The following ZYG11B variants were observed in gnomAD, a reference collection of about 807,000 sequenced individuals.
The protein encoded by ZYG11B is zyg-11 family member B, cell cycle regulator, also known as protein zyg-11 homolog B.
ZYG11B carries 36 observed loss-of-function variants against 82.4 expected under a neutral mutation model. The observed-to-expected ratio is 0.44, with a 90% CI of 0.33 to 0.58. ZYG11B has a LOEUF of 0.58. Ranked by LOEUF, ZYG11B falls within the 20% of genes least tolerant of loss-of-function variation. ZYG11B has a pLI of 0.02. For synonymous variants in ZYG11B, 303 were observed against 312.8 expected (o/e 0.97, Z 0.33); for missense variants, 552 against 895.6 (o/e 0.62, Z 4.90).
chr1:52,827,283 G>T lies in ZYG11B; in HGVS notation c.*5654G>T, dbSNP rs951067676. The T allele has an allele frequency of 6.6e-6, 1 of 152,158 alleles. No individual in the cohort carries two copies. The highest frequency in any genetic ancestry group is 2.4e-5 in the African/African-American group (1 of 41,444). The allele number at this position is 152,158 out of a possible 1,614,324, so 9.4% of individuals were successfully genotyped here. On this transcript the variant is annotated 3_prime_UTR_variant, in exon 14 of 14. Coordinates refer to ENST00000294353, the MANE Select transcript of ZYG11B (RefSeq NM_024646.3). Reference sequence around the variant, plus strand: ...CATCACTTAAGTATTAATGTTGTGTGTACAGATTTTTGTTTTGGGATTTTT... The same window carrying T: ...CATCACTTAAGTATTAATGTTGTGTTTACAGATTTTTGTTTTGGGATTTTT...
Position 52,756,333 on chromosome 1 carries a change from C to T in ZYG11B, c.31-125C>T, listed in dbSNP as rs12088050. On this transcript the variant is annotated intron_variant, in intron 1 of 13. Transcript: ENST00000294353. The stretch of plus-strand genomic sequence containing the variant: ...TGTATTCCACTGCCTTACACAGTGT[C>T]TAGCATATGATAGACACTAAAGAAA... 5.4e-3 allele frequency: 4,581 copies of T among 851,012 alleles called. 121 individuals carry two copies. In the African/African-American group the frequency reaches 0.065, roughly 12 times the overall value. The allele number at this position is 851,012 out of a possible 1,614,324, so 52.7% of individuals were successfully genotyped here.
intron 1 of ZYG11B, among the ~76,000 whole-genome samples, chr1:52,742,021 G>A (rs1200654797): frequency 1.3e-5 from 2 of 152,096 alleles, no homozygotes; most frequent in African/African-American, 4.8e-5. Flanking sequence ...TGTAATTTTT[G>A]TAGTCACCTG....
intron 1 of ZYG11B, among the ~76,000 whole-genome samples, chr1:52,733,932 A>G (rs1306336505): frequency 6.6e-6 from 1 of 152,222 alleles, no homozygotes; most frequent in Non-Finnish European, 1.5e-5. Flanking sequence ...ATTTTTATAA[A>G]GGAGAAAATT....
chr1:52,732,806 T>C (rs1462398123), intron 1 of ZYG11B, among the ~76,000 whole-genome samples: 1 of 151,530 alleles, frequency 6.6e-6, no homozygotes, highest in Non-Finnish European at 1.5e-5. Context: ...AAACCCTGTC[T>C]CTACTAAAAA....
rs1193256295 is a variant in ZYG11B at position 52,777,228 on chromosome 1, G to A, written c.952-2625G>A. On this transcript the variant is annotated intron_variant, in intron 3 of 13. Coordinates refer to ENST00000294353, the MANE Select transcript of ZYG11B (RefSeq NM_024646.3). ...GTATCTCAAAAAAAAGGAAAAAAAA[G>A]AGAAAAGACGTAAAGTAATGGAAGT... is the stretch of plus-strand genomic sequence containing the variant. Among the ~76,000 whole-genome samples, 5 of 152,090 alleles carry A rather than the reference G, an allele frequency of 3.3e-5. No homozygotes were observed. The East Asian group carries it at 9.7e-4, about 29-fold the overall frequency.
chr1:52,782,555 A>G (rs890416616), intron 4 of ZYG11B, among the ~76,000 whole-genome samples: 4 of 151,752 alleles, frequency 2.6e-5, no homozygotes, highest in African/African-American at 9.7e-5. Flanking sequence ...CACCTGGCTA[A>G]TTTTTCAAAT....
chr1:52,812,009 C>T (rs562752258), intron 10 of ZYG11B, among the ~76,000 whole-genome samples: 11 of 151,158 alleles, frequency 7.3e-5, no homozygotes, highest in South Asian at 6.5e-4. Flanking sequence ...CCAGCCTGGG[C>T]GAGAGCGAGA....
intron 2 of ZYG11B, among the ~76,000 whole-genome samples, chr1:52,762,977 G>C (rs1314627133): frequency 2.6e-5 from 2 of 76,678 alleles, no homozygotes; most frequent in Non-Finnish European, 4.2e-5. Flanking sequence ...GTGAGAGATT[G>C]GGGGGGGGGG....
At chr1:52,767,229 GTTA>G (rs1644702781) in intron 2 of ZYG11B, among the ~76,000 whole-genome samples, 1 of 149,282 alleles carries the variant, frequency 6.7e-6, no homozygotes, top group African/African-American at 2.5e-5. Context: ...ATTTTATTTT[GTTA>G]TTTTATTTTA....
At chr1:52,798,631 C>G (rs573200284) in intron 8 of ZYG11B, among the ~76,000 whole-genome samples, 27 of 152,198 alleles carry the variant, frequency 1.8e-4, no homozygotes, top group African/African-American at 6.5e-4. Flanking sequence ...AAACACCTAT[C>G]TAATTCTAAA....
chr1:52,802,103 T>C lies in ZYG11B; in HGVS notation c.1659T>C (p.Thr553=). ...TTTTCTTTTTACAGTCTTTCCCAAC[T>C]GAGTCATCCATTCAGCAGAAAGTTC... The part of the protein sequence containing the change: ...LFMRVLESFP[T]ESSIQQKVLG... The change falls in exon 10 of 14, where the codon ACT becomes ACC. Residue 553 remains threonine, a synonymous_variant. Transcript: ENST00000294353. The C allele has an allele frequency of 6.2e-7, 1 of 1,611,030 alleles. No homozygotes were observed. The highest frequency in any genetic ancestry group is 2.2e-5 in the East Asian group (1 of 44,832).
chr1:52,773,173 G>A (rs1413526022), intron 3 of ZYG11B, among the ~76,000 whole-genome samples: 1 of 151,682 alleles, frequency 6.6e-6, no homozygotes, highest in Non-Finnish European at 1.5e-5. Flanking sequence ...TAGAGCTTGG[G>A]ATTCAAAAAT....
intron 5 of ZYG11B, among the ~76,000 whole-genome samples, chr1:52,786,322 G>A (rs1644911353): frequency 6.6e-6 from 1 of 152,158 alleles, no homozygotes; most frequent in African/African-American, 2.4e-5. Flanking sequence ...GGAAATGTTT[G>A]GGATGATGAA....
chr1:52,750,720 C>T (rs1244120699), intron 1 of ZYG11B, among the ~76,000 whole-genome samples: 2 of 152,132 alleles, frequency 1.3e-5, no homozygotes, highest in Non-Finnish European at 2.9e-5. Context: ...ATTTTCATCA[C>T]TCCAAAAAGA....
At chr1:52,738,985 C>CTTTTTTTTTTTTTTTT (rs10643364) in intron 1 of ZYG11B, among the ~76,000 whole-genome samples, 3 of 106,308 alleles carry the variant, frequency 2.8e-5, no homozygotes, top group South Asian at 3.1e-4. Context: ...GCCCTGTAAC[C>CTTTTTTTTTTTTTTTT]TTTTTTTTTT....
intron 1 of ZYG11B, among the ~76,000 whole-genome samples, chr1:52,743,533 A>G (rs924522204): frequency 1.3e-5 from 2 of 152,022 alleles, no homozygotes; most frequent in African/African-American, 4.8e-5. Flanking sequence ...GCAACATAGC[A>G]AGACCTTGTC....
intron 1 of ZYG11B, among the ~76,000 whole-genome samples, chr1:52,752,165 T>C (rs1333159243): frequency 6.6e-6 from 1 of 152,172 alleles, no homozygotes; most frequent in East Asian, 1.9e-4. Context: ...CTGTCAGTCT[T>C]GGCTACAAAT....
At chr1:52,758,634 TTAAGTA>T (rs1644600320) in intron 2 of ZYG11B, among the ~76,000 whole-genome samples, 2 of 152,260 alleles carry the variant, frequency 1.3e-5, no homozygotes, top group South Asian at 4.1e-4. Context: ...TATAAAACTA[TTAAGTA>T]TAAGTGCCAA....
At chr1:52,734,824 G>A (rs532995150) in intron 1 of ZYG11B, among the ~76,000 whole-genome samples, 2 of 151,842 alleles carry the variant, frequency 1.3e-5, no homozygotes, top group African/African-American at 2.4e-5. Context: ...CACCTCCCGG[G>A]TTCAAACGAT....
Sources: gnomAD v4.1 joint callset for allele counts (sites outside exome capture counted in the v4.1 genomes callset) on GRCh38, gnomAD v4.1.1 for gene constraint, MANE v1.5 for transcripts, NCBI Gene and HGNC (gene_info 2026-07-23, HGNC 2026-07-21) for gene names.